Variants in KCND2 observed in about 807,000 individuals in gnomAD.
The protein encoded by KCND2 is A-type voltage-gated potassium channel KCND2.
In KCND2, 16 loss-of-function variants were observed where a neutral mutation model predicts 54.4. That is an observed-to-expected ratio of 0.29 (90% confidence interval 0.20 to 0.45). The LOEUF is 0.45. Among genes scored for constraint, KCND2 ranks in the 20% least tolerant of loss-of-function variants. The pLI is 1.00. For missense variants in KCND2, 486 were observed against 824.2 expected, an observed-to-expected ratio of 0.59 and a Z score of 5.02; for synonymous variants, 317 against 310.7, an observed-to-expected ratio of 1.02 and a Z score of -0.21.
At chr7:120,386,422 C>G (rs1383340739) in intron 1 of KCND2, among the ~76,000 whole-genome samples, 2 of 152,036 alleles carry the variant, frequency 1.3e-5, no homozygotes, top group African/African-American at 4.8e-5. Context: ...ACAGGATTAT[C>G]TTGGAACTCA....
chr7:120,544,794 T>G (rs763039588), intron 1 of KCND2, among the ~76,000 whole-genome samples: 6 of 152,080 alleles, frequency 3.9e-5, no homozygotes, highest in Non-Finnish European at 5.9e-5. Flanking sequence ...CTTCAGTGAC[T>G]GAAAAAGCTA....
chr7:120,578,429 T>C (rs1443166245), intron 1 of KCND2, among the ~76,000 whole-genome samples: 1 of 152,188 alleles, frequency 6.6e-6, no homozygotes, highest in African/African-American at 2.4e-5. Flanking sequence ...TTAAAACCTA[T>C]CACTTCTGGT....
chr7:120,487,875 C>T (rs1404432857), intron 1 of KCND2, among the ~76,000 whole-genome samples: 1 of 152,032 alleles, frequency 6.6e-6, no homozygotes, highest in Non-Finnish European at 1.5e-5. Flanking sequence ...GAGTAAAAAA[C>T]CAAATTCAAA....
At chr7:120,499,886 T>C (rs1802907598) in intron 1 of KCND2, among the ~76,000 whole-genome samples, 1 of 152,176 alleles carries the variant, frequency 6.6e-6, no homozygotes, top group Admixed American at 6.6e-5. Flanking sequence ...GATGACTCAT[T>C]TCTTGAGCAC....
chr7:120,554,172 C>A (rs1455565719), intron 1 of KCND2, among the ~76,000 whole-genome samples: 1 of 152,210 alleles, frequency 6.6e-6, no homozygotes, highest in East Asian at 1.9e-4. Flanking sequence ...ATTCAAAAGG[C>A]AGCAACTCAC....
chr7:120,600,164 GT>G (rs1392646585), intron 1 of KCND2, among the ~76,000 whole-genome samples: 1 of 151,762 alleles, frequency 6.6e-6, no homozygotes, highest in Non-Finnish European at 1.5e-5. Flanking sequence ...GATGGAGCCT[GT>G]TTCCAGAGGT....
At chr7:120,564,932 T>A (rs973434999) in intron 1 of KCND2, among the ~76,000 whole-genome samples, 3 of 152,218 alleles carry the variant, frequency 2.0e-5, no homozygotes, top group African/African-American at 7.2e-5. Flanking sequence ...TTTCTTATTT[T>A]AGTTAATATA....
At chr7:120,432,625 G>T (rs528142472) in intron 1 of KCND2, among the ~76,000 whole-genome samples, 54 of 152,182 alleles carry the variant, frequency 3.5e-4, no homozygotes, top group Middle Eastern at 3.4e-3. Context: ...GGTATAATTT[G>T]TTTTGGGTTT....
intron 2 of KCND2, among the ~76,000 whole-genome samples, chr7:120,736,332 A>G (rs550300215): frequency 6.6e-6 from 1 of 152,138 alleles, no homozygotes; most frequent in East Asian, 1.9e-4. Context: ...TCAATCATTG[A>G]TAAAGTCTTA....
chr7:120,595,023 A>C (rs1792719564), intron 1 of KCND2, among the ~76,000 whole-genome samples: 1 of 151,682 alleles, frequency 6.6e-6, no homozygotes, highest in African/African-American at 2.4e-5. Flanking sequence ...TCCGTCTCAA[A>C]AGAAAAAAAA....
chr7:120,644,284 A>C (rs1219033567), intron 1 of KCND2, among the ~76,000 whole-genome samples: 1 of 152,154 alleles, frequency 6.6e-6, no homozygotes, highest in Non-Finnish European at 1.5e-5. Flanking sequence ...TCTCCTGGAA[A>C]ATGTTCTGGT....
At chr7:120,653,446 G>A (rs1208337072) in intron 1 of KCND2, among the ~76,000 whole-genome samples, 3 of 151,974 alleles carry the variant, frequency 2.0e-5, no homozygotes, top group Non-Finnish European at 4.4e-5. Flanking sequence ...TTTGATAAAC[G>A]GCCACTCGTT....
At chr7:120,505,693 A>G (rs561973131) in intron 1 of KCND2, among the ~76,000 whole-genome samples, 1 of 151,742 alleles carries the variant, frequency 6.6e-6, no homozygotes, top group Non-Finnish European at 1.5e-5. Context: ...CCAGAGAGAT[A>G]TTAGAATAAG....
At chr7:120,622,496 T>C (rs1793111492) in intron 1 of KCND2, among the ~76,000 whole-genome samples, 1 of 151,940 alleles carries the variant, frequency 6.6e-6, no homozygotes, top group African/African-American at 2.4e-5. Context: ...TATATATATA[T>C]ATACAGTCTC....
At chr7:120,700,518 C>A (rs1341115576) in intron 1 of KCND2, among the ~76,000 whole-genome samples, 2 of 152,126 alleles carry the variant, frequency 1.3e-5, no homozygotes, top group Non-Finnish European at 2.9e-5. Flanking sequence ...TTGTTTGAAG[C>A]CAATAGCCCA....
intron 1 of KCND2, among the ~76,000 whole-genome samples, chr7:120,713,664 G>A (rs1792568206): frequency 1.3e-5 from 2 of 152,060 alleles, no homozygotes; most frequent in African/African-American, 2.4e-5. Context: ...ACGTAAAACC[G>A]CCACTCAAAT....
At chr7:120,477,393 C>T (rs568146661) in intron 1 of KCND2, among the ~76,000 whole-genome samples, 1 of 152,212 alleles carries the variant, frequency 6.6e-6, no homozygotes, top group African/African-American at 2.4e-5. Context: ...AGACAAGAGG[C>T]TTATGGGGAC....
At chr7:120,422,427 C>T (rs12333476) in intron 1 of KCND2, among the ~76,000 whole-genome samples, 9,304 of 152,212 alleles carry the variant, frequency 0.061, 869 homozygotes, top group African/African-American at 0.21. Context: ...GGCCTGTCAT[C>T]TGGGTTTGCG....
intron 1 of KCND2, among the ~76,000 whole-genome samples, chr7:120,518,609 T>TA (rs1459998393): frequency 1.3e-5 from 2 of 152,194 alleles, no homozygotes; most frequent in Non-Finnish European, 2.9e-5. Flanking sequence ...GATATGAAGT[T>TA]AAAAAGCAAT....
Sources: gnomAD v4.1 joint callset for allele counts (sites outside exome capture counted in the v4.1 genomes callset) on GRCh38, gnomAD v4.1.1 for gene constraint, MANE v1.5 for transcripts, NCBI Gene and HGNC (gene_info 2026-07-23, HGNC 2026-07-21) for gene names.